Variants in DNM3 observed in about 807,000 individuals in gnomAD.
DNM3 encodes dynamin-3.
In DNM3, 47 loss-of-function variants were observed where a neutral mutation model predicts 101.6. That is an observed-to-expected ratio of 0.46 (90% CI 0.37 to 0.59). The LOEUF (loss-of-function observed/expected upper bound fraction) is 0.59. Among genes scored for constraint, DNM3 ranks in the 20% least tolerant of loss-of-function variants. DNM3 has a pLI of 0.00. For synonymous variants in DNM3, 385 were observed against 387.9 expected, an observed-to-expected ratio of 0.99 and a Z score of 0.09; for missense variants, 849 against 1,085.7, an observed-to-expected ratio of 0.78 and a Z score of 3.06.
In DNM3 at chr1:172,061,243, G is replaced by A. The variant is rs937878946; in HGVS notation, c.1336-7576G>A. ...GGAGAAATAGGAACACTTTTACACT[G>A]TTGGTGGGACTGTAAACTAGTTCAA... On this transcript the variant is annotated intron_variant, in intron 10 of 20. Coordinates refer to ENST00000627582, the MANE Select transcript of DNM3 (RefSeq NM_015569.5). 2.0e-5 allele frequency among the ~76,000 whole-genome samples: 3 copies of A among 149,160 alleles called. No homozygotes were observed. In the Admixed American group the frequency reaches 2.0e-4, roughly 10 times the overall value.
chr1:172,412,887 T>A (rs2071291188), downstream of DNM3, among the ~76,000 whole-genome samples: 1 of 152,334 alleles, frequency 6.6e-6, no homozygotes, highest in Admixed American at 6.5e-5. Context: ...ATGGGATTTT[T>A]AAAGGGAACA....
chr1:172,208,536 T>C (rs2148511859), intron 14 of DNM3, among the ~76,000 whole-genome samples: 1 of 152,280 alleles, frequency 6.6e-6, no homozygotes, highest in Admixed American at 6.6e-5. Flanking sequence ...AGATTCAAGC[T>C]GCAGCATCAA....
chr1:172,384,483 C>A (rs991984036), intron 18 of DNM3, among the ~76,000 whole-genome samples: 3 of 152,166 alleles, frequency 2.0e-5, no homozygotes, highest in African/African-American at 7.2e-5. Context: ...AGATGAGGAA[C>A]CTGAGACTCA....
At chr1:172,024,178 T>A (rs1282166896) in intron 4 of DNM3, among the ~76,000 whole-genome samples, 5 of 152,174 alleles carry the variant, frequency 3.3e-5, no homozygotes, top group Admixed American at 2.6e-4. Flanking sequence ...TCTTTTCTTT[T>A]CTTTTTAAAT....
chr1:172,296,353 G>C (rs1216135480), intron 15 of DNM3, among the ~76,000 whole-genome samples: 1 of 152,246 alleles, frequency 6.6e-6, no homozygotes, highest in East Asian at 1.9e-4. Context: ...AGATGATTTT[G>C]ATTGCAGGCT....
In DNM3 at chr1:172,019,922, T is replaced by C. The variant is rs541578994; in HGVS notation, c.590-12480T>C. ...CTTAGGATGTTAATCACAGTTTGTTTTTTTTTTATTCCCAGTCTGATAACT... is the reference window on the plus strand; with the variant it reads ...CTTAGGATGTTAATCACAGTTTGTTCTTTTTTTATTCCCAGTCTGATAACT... On this transcript the variant is annotated intron_variant, in intron 4 of 20. Transcript: ENST00000627582. Among the ~76,000 whole-genome samples the C allele has an allele frequency of 7.5e-4, 114 of 152,246 alleles. 1 individual carries two copies. The highest frequency in any genetic ancestry group is 1.2e-3 in the Non-Finnish European group (82 of 68,026).
At chr1:172,081,471 G>A (rs1373210833) in intron 11 of DNM3, among the ~76,000 whole-genome samples, 1 of 152,104 alleles carries the variant, frequency 6.6e-6, no homozygotes, top group Non-Finnish European at 1.5e-5. Context: ...AACCCCTCAT[G>A]GGACCTCCTG....
At chr1:172,266,418 G>A (rs996440378) in intron 15 of DNM3, among the ~76,000 whole-genome samples, 4 of 152,068 alleles carry the variant, frequency 2.6e-5, no homozygotes, top group African/African-American at 9.7e-5. Flanking sequence ...CAGAATTTCA[G>A]TAAGGTAAAA....
chr1:172,066,198 A>ACTCTGTGTGTGTGTGCATGTGTGTGT (rs2051646899), intron 10 of DNM3, among the ~76,000 whole-genome samples: 1 of 151,212 alleles, frequency 6.6e-6, no homozygotes, highest in South Asian at 2.1e-4. Flanking sequence ...GTGGTGTGTG[A>ACTCTGTGTGTGTGTGCATGTGTGTGT]CTCTGTGTGT....
At chr1:171,892,300 C>T (rs897858273) in intron 1 of DNM3, among the ~76,000 whole-genome samples, 1 of 152,070 alleles carries the variant, frequency 6.6e-6, no homozygotes, top group African/African-American at 2.4e-5. Context: ...AGCCCTGGTT[C>T]TTTTGTTTGG....
Position 172,409,042 on chromosome 1 carries a change from T to C in DNM3, c.*1201T>C. ...AATCTAAAGCAAATTTGCAATTTCT[T>C]AAGATTTCTAAAATTTACCAGAACA... On this transcript the variant is annotated 3_prime_UTR_variant, in exon 21 of 21. Coordinates refer to ENST00000627582, the MANE Select transcript of DNM3 (RefSeq NM_015569.5). 1 of 985,374 alleles carries C rather than the reference T, an allele frequency of 1.0e-6. No individual in the cohort carries two copies. Among genetic ancestry groups the C allele is most frequent in the South Asian group, 4.7e-5 (1 of 21,288 alleles). 61.0% of individuals were successfully genotyped at this position (985,374 alleles called of 1,614,324 possible).
intron 4 of DNM3, among the ~76,000 whole-genome samples, chr1:172,028,281 C>T (rs532142372): frequency 2.0e-5 from 3 of 152,286 alleles, no homozygotes; most frequent in East Asian, 3.9e-4. Context: ...AACCACACAA[C>T]GTCATGGAAA....
chr1:171,950,519 A>G (rs1427170077), intron 2 of DNM3, among the ~76,000 whole-genome samples: 1 of 152,162 alleles, frequency 6.6e-6, no homozygotes, highest in Non-Finnish European at 1.5e-5. Context: ...CAGCATATTA[A>G]ACGCACTTTT....
At chr1:172,215,951 C>T (rs1314029033) in intron 14 of DNM3, among the ~76,000 whole-genome samples, 38 of 138,816 alleles carry the variant, frequency 2.7e-4, no homozygotes. Context: ...TTATTCTTAA[C>T]ACTCTCTTTA....
intron 1 of DNM3, among the ~76,000 whole-genome samples, chr1:171,904,992 C>T (rs1239116713): frequency 1.3e-5 from 2 of 152,142 alleles, no homozygotes; most frequent in Non-Finnish European, 2.9e-5. Context: ...GGTCCTTACA[C>T]CACTCAAGGG....
intron 15 of DNM3, among the ~76,000 whole-genome samples, chr1:172,273,737 T>C (rs866605264): frequency 1.3e-4 from 20 of 152,136 alleles, no homozygotes; most frequent in Admixed American, 5.2e-4. Context: ...CTTCTCTGTA[T>C]ATTCATAACA....
chr1:172,415,340 A>G (rs986491656), downstream of DNM3: 1 of 152,178 alleles, frequency 6.6e-6, no homozygotes, highest in African/African-American at 2.4e-5. Context: ...AATTACCTCC[A>G]TGAGATTATT....
intron 14 of DNM3, among the ~76,000 whole-genome samples, chr1:172,223,383 C>T (rs1431933746): frequency 2.0e-5 from 3 of 151,448 alleles, no homozygotes; most frequent in African/African-American, 7.3e-5. Flanking sequence ...ATTGTATATC[C>T]ATTCTGTCAT....
At chr1:172,206,794 C>A (rs1208755685) in intron 14 of DNM3, among the ~76,000 whole-genome samples, 1 of 152,042 alleles carries the variant, frequency 6.6e-6, no homozygotes, top group East Asian at 1.9e-4. Context: ...GAACTGCTGA[C>A]CTGAAGTATC....
Sources: allele counts gnomAD v4.1 joint callset (sites outside exome capture counted in the v4.1 genomes callset), GRCh38; gene constraint gnomAD v4.1.1; transcripts MANE v1.5; gene names NCBI Gene and HGNC (gene_info 2026-07-23, HGNC 2026-07-21).